KCNJ10: variants seen among roughly 807,000 people sequenced by gnomAD.
The protein encoded by KCNJ10 is ATP-sensitive inward rectifier potassium channel 10.
In KCNJ10, 9 loss-of-function variants were observed where a neutral mutation model predicts 22.2. The ratio of observed to expected loss-of-function variants is 0.40; its 90% CI spans 0.24 to 0.71. The LOEUF is 0.71. Ranked by LOEUF, KCNJ10 falls within the 30% of genes least tolerant of loss-of-function variation. KCNJ10 has a pLI of 0.35. For missense variants in KCNJ10, 337 were observed against 482.7 expected, an observed-to-expected ratio of 0.70 and a Z score of 2.83; for synonymous variants, 184 against 187.3, an observed-to-expected ratio of 0.98 and a Z score of 0.15.
In KCNJ10 at chr1:160,045,858, C is replaced by T. The variant is rs557667772; in HGVS notation, c.1-3326G>A. Among the ~76,000 whole-genome samples, 84 of 152,328 alleles carry T rather than the reference C, an allele frequency of 5.5e-4. 1 individual carries two copies. Among genetic ancestry groups the T allele is most frequent in the African/African-American group, 1.9e-3 (81 of 41,576 alleles). ...ACTATCACGTGATCAAAGGCTTGGA[C>T]TTGTCCTTTGAGCTCCAAGAGGAAC... On this transcript the variant is annotated intron_variant, in intron 1 of 1. Coordinates refer to ENST00000644903, the MANE Select transcript of KCNJ10 (RefSeq NM_002241.5).
rs79035534 is a variant in KCNJ10 at position 160,049,175 on chromosome 1, A to G, written c.1-6643T>C. Among the ~76,000 whole-genome samples the G allele has an allele frequency of 6.7e-3, 1,016 of 152,236 alleles. 5 individuals are homozygous for G. Among genetic ancestry groups the G allele is most frequent in the Non-Finnish European group, 9.6e-3 (651 of 68,004 alleles). On this transcript the variant is annotated intron_variant, in intron 1 of 1. Coordinates refer to ENST00000644903, the MANE Select transcript of KCNJ10 (RefSeq NM_002241.5). ...AAATCCATCCACTTTTCATTTTACT[A>G]TAATTGTCTTAGTTCTTTCTCTAGC...
intron 1 of KCNJ10, 125 bp from the exon 2 acceptor site, chr1:160,042,657 A>G (rs1648640209): frequency 2.1e-6 from 2 of 937,162 alleles, no homozygotes; most frequent in Non-Finnish European, 3.4e-6. Context: ...TGTCTTACCA[A>G]ATATTTATTG....
chr1:160,055,688 G>A (rs117041458), intron 1 of KCNJ10, among the ~76,000 whole-genome samples: 1 of 152,262 alleles, frequency 6.6e-6, no homozygotes, highest in East Asian at 1.9e-4. Flanking sequence ...TGTGTGCACA[G>A]TCTCACTGTT....
At position 160,040,031 on chromosome 1, in the gene KCNJ10, A is replaced by T. The variant is rs548948418; in HGVS notation, c.*1362T>A. On this transcript the variant is annotated 3_prime_UTR_variant, in exon 2 of 2. Transcript: ENST00000644903. Reference sequence around the variant, plus strand: ...AAATGGCCTCATGGCAGAGGAGAGTAGAGATGACACTGATTTCTTCATTTT... The same window carrying T: ...AAATGGCCTCATGGCAGAGGAGAGTTGAGATGACACTGATTTCTTCATTTT... 6.6e-6 allele frequency: 1 copy of T among 152,622 alleles called. No individual in the cohort carries two copies. The highest frequency in any genetic ancestry group is 1.9e-4 in the East Asian group (1 of 5,194). 9.5% of individuals were successfully genotyped at this position (152,622 alleles called of 1,614,324 possible).
chr1:160,041,434 T>A lies in KCNJ10; in HGVS notation c.1099A>T (p.Lys367Ter). ...LEESLREQAE[K>*]EGSALSVRIS... Reference sequence around the variant, plus strand: ...CGCACACTAAGGGCACTGCCCTCCTTCTCAGCTTGCTCCCTTAATGACTCC... The same window carrying A: ...CGCACACTAAGGGCACTGCCCTCCTACTCAGCTTGCTCCCTTAATGACTCC... The change falls in exon 2 of 2, where the codon AAG (lysine) becomes TAG (stop). Residue 367 changes from lysine (K) to a stop codon, truncating the protein, a stop_gained. Transcript: ENST00000644903. LOFTEE classifies it high-confidence loss of function. This position sits in a 1 kb window ranked among gnomAD's most constrained non-coding sequence, Gnocchi z 4.4. 6.2e-7 allele frequency: 1 copy of A among 1,613,912 alleles called. No homozygotes were observed. Among genetic ancestry groups the A allele is most frequent in the East Asian group, 2.2e-5 (1 of 44,878 alleles).
chr1:160,060,018 TG>T (rs774061682), intron 1 of KCNJ10, among the ~76,000 whole-genome samples: 3 of 152,234 alleles, frequency 2.0e-5, no homozygotes, highest in Non-Finnish European at 4.4e-5. Context: ...CCTGTTTCCC[TG>T]ACAGGTGTCC....
intron 1 of KCNJ10, among the ~76,000 whole-genome samples, chr1:160,058,385 G>A (rs1483203532): frequency 2.0e-5 from 3 of 152,216 alleles, no homozygotes; most frequent in Non-Finnish European, 4.4e-5. Flanking sequence ...CACTGTGGGA[G>A]TGCTTAGTAG....
Position 160,041,965 on chromosome 1 carries a change from G to A in KCNJ10, c.568C>T (p.His190Tyr). 1 of 1,605,316 alleles carries A rather than the reference G, an allele frequency of 6.2e-7. No homozygotes were observed. The highest frequency in any genetic ancestry group is 8.5e-7 in the Non-Finnish European group (1 of 1,174,558). Residue 190 changes from histidine to tyrosine, a missense_variant, in exon 2 of 2, where the codon CAC becomes TAC. Physicochemically the swap from His to Tyr is moderately conservative, Grantham distance 83. Around this residue, in one of 3 missense-constraint regions of KCNJ10, gnomAD observed 165 missense variants for 281.5 expected, o/e 0.59. Transcript: ENST00000644903. This position sits in a 1 kb window ranked among gnomAD's most constrained non-coding sequence, Gnocchi z 4.4. ...ATCATGAGGCAGGGCTTGCCATTGT[G>A]GGAGGCCACAACTGCATGCTGGCTG... is the stretch of plus-strand genomic sequence containing the variant. ...RFSQHAVVAS[H>Y]NGKPCLMIRV...
At chr1:160,063,501 T>C (rs1369220862) in intron 1 of KCNJ10, 1 of 152,484 alleles carries the variant, frequency 6.6e-6, no homozygotes, top group Non-Finnish European at 1.5e-5. Context: ...GCTGTCAGTA[T>C]CGGAAGTTCT....
At chr1:160,051,053 T>G (rs184910361) in intron 1 of KCNJ10, among the ~76,000 whole-genome samples, 1 of 152,100 alleles carries the variant, frequency 6.6e-6, no homozygotes, top group East Asian at 1.9e-4. Flanking sequence ...AAGCGATTCT[T>G]CTGCCTCAGC....
chr1:160,042,198 A>C lies in KCNJ10; in HGVS notation c.335T>G (p.Val112Gly), dbSNP rs1216507118. 1.2e-6 allele frequency: 2 copies of C among 1,612,052 alleles called. No individual in the cohort carries two copies. Among genetic ancestry groups the C allele is most frequent in the Admixed American group, 3.3e-5 (2 of 59,870 alleles). Reference sequence around the variant, plus strand: ...GAGGAAGGCTCCAGTGAGTGTGTGCACCTGTACCACACAGGGGGTGTGGTT... The same window carrying C: ...GAGGAAGGCTCCAGTGAGTGTGTGCCCCTGTACCACACAGGGGGTGTGGTT... ...PANHTPCVVQ[V>G]HTLTGAFLFS... The change falls in exon 2 of 2, where the codon GTG becomes GGG. Residue 112 changes from valine (V) to glycine (G), a missense_variant. This residue lies in a region of KCNJ10 where 165 missense variants were observed against 281.5 expected (regional missense o/e 0.59). Transcript: ENST00000644903.
rs562112093 is a variant in KCNJ10, at chr1:160,053,364, G to A, written c.1-10832C>T. On this transcript the variant is annotated intron_variant, in intron 1 of 1. Coordinates refer to ENST00000644903, the MANE Select transcript of KCNJ10 (RefSeq NM_002241.5). ...AAGAAGCACTTCTGGGCTTCCAAGT[G>A]TTCTTAATGAGGGTTGGGGAAGAGA... Among the ~76,000 whole-genome samples, 19 of 152,286 alleles carry A rather than the reference G, an allele frequency of 1.2e-4. No individual in the cohort carries two copies. The South Asian group carries it at 3.9e-3, about 32-fold the overall frequency.
chr1:160,053,596 A>G (rs907321733), intron 1 of KCNJ10, among the ~76,000 whole-genome samples: 3 of 101,218 alleles, frequency 3.0e-5, no homozygotes, highest in African/African-American at 4.2e-5. Flanking sequence ...TGAGGTGGGG[A>G]AAAAGAGGGC....
At chr1:160,069,770 G>A (rs1649408225) in intron 1 of KCNJ10, among the ~76,000 whole-genome samples, 1 of 152,192 alleles carries the variant, frequency 6.6e-6, no homozygotes, top group South Asian at 2.1e-4. Context: ...AGTGGGAGGG[G>A]GCATCGGGAA....
intron 1 of KCNJ10, among the ~76,000 whole-genome samples, chr1:160,063,930 G>T (rs1045055814): frequency 2.0e-5 from 3 of 152,210 alleles, no homozygotes; most frequent in Non-Finnish European, 4.4e-5. Flanking sequence ...AACTCTAAAG[G>T]TGGGTGCTTT....
chr1:160,058,023 G>A (rs1649083550), intron 1 of KCNJ10, among the ~76,000 whole-genome samples: 1 of 152,152 alleles, frequency 6.6e-6, no homozygotes, highest in African/African-American at 2.4e-5. Context: ...TGCCTTCCAG[G>A]AAGGACCATC....
chr1:160,059,699 G>A (rs1649138219), intron 1 of KCNJ10, among the ~76,000 whole-genome samples: 1 of 152,206 alleles, frequency 6.6e-6, no homozygotes, highest in Non-Finnish European at 1.5e-5. Context: ...TCTTACTGGG[G>A]TCTGTGGAAA....
intron 1 of KCNJ10, among the ~76,000 whole-genome samples, chr1:160,048,227 G>GGCCCCCCTGAGGGCTGCAGTTTTTATCT (rs67364310): frequency 0.59 from 90,050 of 151,974 alleles, 27,265 homozygotes; most frequent in African/African-American, 0.71. Context: ...GACGGGCCAA[G>GGCCCCCCTGAGGGCTGCAGTTTTTATCT]GCCTCACAGG....
intron 1 of KCNJ10, among the ~76,000 whole-genome samples, chr1:160,058,115 G>C (rs1461811118): frequency 6.6e-6 from 1 of 152,142 alleles, no homozygotes; most frequent in Non-Finnish European, 1.5e-5. Context: ...CTCAGTGCCT[G>C]GCATTTCTTG....
Sources: allele counts gnomAD v4.1 joint callset (sites outside exome capture counted in the v4.1 genomes callset), GRCh38; gene constraint gnomAD v4.1.1; regional missense constraint gnomAD v4.1.1; non-coding constraint Gnocchi (gnomAD v3.1); transcripts MANE v1.5; gene names NCBI Gene and HGNC (gene_info 2026-07-23, HGNC 2026-07-21).